The following RLN2 variants were observed in gnomAD, a reference collection of about 807,000 sequenced individuals.
RLN2 encodes relaxin 2.
A neutral mutation model predicts 7.3 loss-of-function variants in RLN2; 10 were observed. That is an observed-to-expected ratio of 1.36 (90% CI 0.84 to 2.31). The LOEUF is 2.31. Ranked by LOEUF, RLN2 falls within the 30% of genes most tolerant of loss-of-function variation. RLN2 has a pLI of 0.00. For missense variants in RLN2, 298 were observed against 217.6 expected (o/e 1.37, Z -2.32); for synonymous variants, 103 against 82.3 (o/e 1.25, Z -1.36).
the RLN2 span, among the ~76,000 whole-genome samples, chr9:5,322,209 T>C: frequency 2.6e-5 from 4 of 151,862 alleles, no homozygotes; most frequent in Non-Finnish European, 5.9e-5. Context: ...GGAAAGCTGA[T>C]AGGGCAGCAG....
chr9:5,320,475 A>T, the RLN2 span, among the ~76,000 whole-genome samples: 1 of 151,792 alleles, frequency 6.6e-6, no homozygotes, highest in Non-Finnish European at 1.5e-5. Context: ...GGTTCAAGTG[A>T]TTCTCCTGCC....
At chr9:5,300,548 ATAAAT>A (rs1256385357) in intron 1 of RLN2, 104 bp from the exon 2 acceptor site, 8 of 725,356 alleles carry the variant, frequency 1.1e-5, no homozygotes, top group Admixed American at 3.0e-5. Flanking sequence ...TTGCCTCAGT[ATAAAT>A]TAAACATTGA....
chr9:5,329,938 C>G, the RLN2 span, among the ~76,000 whole-genome samples: 2 of 152,064 alleles, frequency 1.3e-5, no homozygotes, highest in Non-Finnish European at 2.9e-5. Context: ...ATTCTACACC[C>G]CAAATCAACA....
chr9:5,321,722 C>G, the RLN2 span, among the ~76,000 whole-genome samples: 1 of 138,040 alleles, frequency 7.2e-6, no homozygotes, highest in Admixed American at 7.6e-5. Flanking sequence ...TTGGAGGCAT[C>G]TGCCTAAACA....
chr9:5,335,660 A>G, the RLN2 span: 1 of 1,019,454 alleles, frequency 9.8e-7, no homozygotes, highest in South Asian at 1.6e-5. Context: ...ATTCAGAAAA[A>G]CTGTGAATGT....
At chr9:5,326,557 G>A in the RLN2 span, among the ~76,000 whole-genome samples, 1 of 152,006 alleles carries the variant, frequency 6.6e-6, no homozygotes, top group Non-Finnish European at 1.5e-5. Context: ...CAGAGCATAG[G>A]GCAGTGATGG....
chr9:5,333,249 G>A, the RLN2 span, among the ~76,000 whole-genome samples: 1 of 151,972 alleles, frequency 6.6e-6, no homozygotes, highest in African/African-American at 2.4e-5. Context: ...TCTGGCCTCT[G>A]CCTGTTCATA....
chr9:5,335,615 A>C, the RLN2 span: 2 of 1,542,174 alleles, frequency 1.3e-6, no homozygotes, highest in African/African-American at 1.4e-5. Context: ...GTTTAAAAAA[A>C]AAGTGTATGT....
At chr9:5,333,290 G>C in the RLN2 span, among the ~76,000 whole-genome samples, 1 of 151,814 alleles carries the variant, frequency 6.6e-6, no homozygotes, top group African/African-American at 2.4e-5. Context: ...CACTGATAAA[G>C]AAGAAAAAGG....
the RLN2 span, chr9:5,335,585 G>C: frequency 1.2e-6 from 2 of 1,603,122 alleles, no homozygotes; most frequent in African/African-American, 1.3e-5. Flanking sequence ...GTTGATGAAG[G>C]ATGGTACAAT....
At chr9:5,311,677 C>G in the RLN2 span, 16 of 1,311,148 alleles carry the variant, frequency 1.2e-5, no homozygotes, top group African/African-American at 4.4e-5. Flanking sequence ...CCAAAACAGA[C>G]CAGGCACAGA....
chr9:5,331,110 C>T, the RLN2 span, among the ~76,000 whole-genome samples: 1 of 151,924 alleles, frequency 6.6e-6, no homozygotes, highest in South Asian at 2.1e-4. Context: ...TAATTAATAG[C>T]CTACCGACCA....
chr9:5,328,117 C>A, the RLN2 span, among the ~76,000 whole-genome samples: 1 of 151,860 alleles, frequency 6.6e-6, no homozygotes, highest in Non-Finnish European at 1.5e-5. Flanking sequence ...CTTCTCCTAG[C>A]TAAAGGAGCA....
chr9:5,306,102 G>GGTTTTTTTTTTTTTTT (rs1554618110), upstream of RLN2, among the ~76,000 whole-genome samples: 3 of 123,432 alleles, frequency 2.4e-5, no homozygotes, highest in Non-Finnish European at 3.4e-5. Context: ...CTTTGTTTTT[G>GGTTTTTTTTTTTTTTT]TTTTTTGTTT....
At chr9:5,314,109 G>A in the RLN2 span, among the ~76,000 whole-genome samples, 1 of 151,992 alleles carries the variant, frequency 6.6e-6, no homozygotes. Context: ...AATCCACACA[G>A]CTACACTCCC....
Position 5,300,442 on chromosome 9 carries a change from T to G in RLN2, c.214A>C (p.Ile72Leu), listed in dbSNP as rs1163450312. The change falls in exon 2 of 2, where the codon ATT becomes CTT. Residue 72 changes from isoleucine (I) to leucine (L), a missense_variant and splice_region_variant. Ile to Leu is a conservative substitution (Grantham distance 5, BLOSUM62 2). Transcript: ENST00000381627. ...TCTTTGTTGATGAAGGATGGCACAA[T>G]TTCTGTTAAATTTAAAAAAAAAGGT... ...APQTPRPVAE[I>L]VPSFINKDTE... 1 of 1,593,610 alleles carries G rather than the reference T, an allele frequency of 6.3e-7. No individual in the cohort carries two copies. Among genetic ancestry groups the G allele is most frequent in the Non-Finnish European group, 8.5e-7 (1 of 1,170,504 alleles).
chr9:5,314,528 C>G, the RLN2 span, among the ~76,000 whole-genome samples: 1 of 152,166 alleles, frequency 6.6e-6, no homozygotes, highest in East Asian at 1.9e-4. Context: ...AGTTGCACAT[C>G]TCAGGGATGA....
At chr9:5,325,846 A>G in the RLN2 span, among the ~76,000 whole-genome samples, 1 of 151,530 alleles carries the variant, frequency 6.6e-6, no homozygotes, top group Non-Finnish European at 1.5e-5. Context: ...GGTGACATCA[A>G]TTTTTTTTTA....
chr9:5,323,374 C>A, the RLN2 span, among the ~76,000 whole-genome samples: 1 of 152,102 alleles, frequency 6.6e-6, no homozygotes, highest in African/African-American at 2.4e-5. Context: ...CCCTCTCCTA[C>A]AGTAGTTTTT....
Sources: gnomAD v4.1 joint callset for allele counts (sites outside exome capture counted in the v4.1 genomes callset) on GRCh38, gnomAD v4.1.1 for gene constraint, MANE v1.5 for transcripts, NCBI Gene and HGNC (gene_info 2026-07-23, HGNC 2026-07-21) for gene names.